HERC1: variants seen among roughly 807,000 people sequenced by gnomAD.
HERC1 encodes the protein probable E3 ubiquitin-protein ligase HERC1.
Under a neutral mutation model 554.3 loss-of-function variants are expected in HERC1, and 160 were observed. That is an observed-to-expected ratio of 0.29 (90% CI 0.25 to 0.33). The LOEUF is 0.33. Among genes scored for constraint, HERC1 ranks in the 10% least tolerant of loss-of-function variants. HERC1 has a pLI of 1.00. For missense variants in HERC1, 4,919 were observed against 5,918.5 expected (o/e 0.83, Z 5.54); for synonymous variants, 2,175 against 2,131.7 (o/e 1.02, Z -0.56).
Position 63,638,415 on chromosome 15 carries a change from T to C in HERC1, c.12089A>G (p.Gln4030Arg). Residue 4030 changes from glutamine to arginine, a missense_variant, in exon 63 of 78, where the codon CAA becomes CGA. Gln to Arg is a conservative substitution (Grantham distance 43). Coordinates refer to ENST00000443617, the MANE Select transcript of HERC1 (RefSeq NM_003922.4). The stretch of plus-strand genomic sequence containing the variant: ...ATTTTTTATCCTGTTAGTTACCTGT[T>C]GGGCCTGTGAGAATGAGGGAGCTGC... ...PAAAPSFSQAQQVICGQNCTF... is the reference protein window; with the variant it reads ...PAAAPSFSQARQVICGQNCTF... 6.2e-7 allele frequency: 1 copy of C among 1,613,666 alleles called. No homozygotes were observed. Among genetic ancestry groups the C allele is most frequent in the Non-Finnish European group, 8.5e-7 (1 of 1,179,704 alleles).
At chr15:63,730,169 A>AC (rs1031757570) in intron 14 of HERC1, among the ~76,000 whole-genome samples, 1 of 150,942 alleles carries the variant, frequency 6.6e-6, no homozygotes, top group African/African-American at 2.4e-5. Flanking sequence ...AAAAAAAAAA[A>AC]AGCAGCTGGG....
intron 70 of HERC1, among the ~76,000 whole-genome samples, chr15:63,627,996 G>A (rs2068376418): frequency 6.6e-6 from 1 of 152,170 alleles, no homozygotes; most frequent in African/African-American, 2.4e-5. Context: ...TGTTTCAAAT[G>A]GTTAACTAAG....
chr15:63,614,810 G>C (rs1595817325), intron 76 of HERC1, among the ~76,000 whole-genome samples: 2 of 152,148 alleles, frequency 1.3e-5, no homozygotes. Flanking sequence ...ACAGAACAAG[G>C]ATAACTCAAA....
chr15:63,668,012 G>A (rs1441451688), intron 40 of HERC1, among the ~76,000 whole-genome samples: 1 of 152,162 alleles, frequency 6.6e-6, no homozygotes, highest in Non-Finnish European at 1.5e-5. Context: ...TGTTCAGGGG[G>A]TTGGTGCTGC....
At position 63,674,314 on chromosome 15, in the gene HERC1, C is replaced by CAAA. The variant is rs111577041; in HGVS notation, c.7846+25_7846+27dup. On this transcript the variant is annotated intron_variant, in intron 38 of 77. Transcript: ENST00000443617. ...GAAAATAATCTCAACAGCACAAAAG[C>CAAA]AAAAAAAAAAAAAATCAGATAACAT... 383 of 1,356,252 alleles carry CAAA rather than the reference C, an allele frequency of 2.8e-4. No homozygotes were observed. In the African/African-American group the frequency reaches 3.2e-3, roughly 11 times the overall value. 84.0% of individuals were successfully genotyped at this position (1,356,252 alleles called of 1,614,324 possible).
intron 38 of HERC1, among the ~76,000 whole-genome samples, chr15:63,673,788 A>C (rs2071057259): frequency 6.6e-6 from 1 of 152,240 alleles, no homozygotes; most frequent in South Asian, 2.1e-4. Context: ...GCAGTGGCAC[A>C]ATCTCGGCTC....
chr15:63,713,594 C>T lies in HERC1; in HGVS notation c.4222G>A (p.Ala1408Thr). The change falls in exon 23 of 78, where the codon GCA (alanine) becomes ACA (threonine). Residue 1408 changes from alanine (A) to threonine (T), a missense_variant. By Grantham distance (58) the Ala-to-Thr change is moderately conservative. Coordinates refer to ENST00000443617, the MANE Select transcript of HERC1 (RefSeq NM_003922.4). ...TCATCAGCTCGAGCCCCAGACCCTG[C>T]CCCACTGTTCATTCTATCTCGGTCT... ...SRDRDRMNSG[A>T]GSGARADDPP... The T allele has an allele frequency of 7.4e-6, 12 of 1,613,762 alleles. No homozygotes were observed. The highest frequency in any genetic ancestry group is 1.1e-5 in the South Asian group (1 of 91,006).
intron 4 of HERC1, among the ~76,000 whole-genome samples, chr15:63,757,838 T>C (rs1453123144): frequency 1.3e-5 from 2 of 151,922 alleles, no homozygotes; most frequent in African/African-American, 2.4e-5. Flanking sequence ...GCCTCCCGAG[T>C]AGCTGGGACT....
At chr15:63,616,827 A>C in intron 74 of HERC1, 145 bp from the exon 75 acceptor site, 4 of 730,944 alleles carry the variant, frequency 5.5e-6, no homozygotes, top group Non-Finnish European at 8.7e-6. Context: ...TAATTAAATA[A>C]AACTAAAAAT....
At position 63,775,188 on chromosome 15, in the gene HERC1, C is replaced by T. The variant is rs770537549; in HGVS notation, c.436G>A (p.Val146Ile). 9 of 1,613,892 alleles carry T rather than the reference C, an allele frequency of 5.6e-6. No individual in the cohort carries two copies. In the East Asian group the frequency reaches 1.8e-4, roughly 32 times the overall value. Residue 146 changes from valine (V) to isoleucine (I), a missense_variant, in exon 2 of 78, where the codon GTT (valine) becomes ATT (isoleucine). This residue lies in a region of HERC1 where 744 missense variants were observed against 1,090.0 expected (regional missense o/e 0.68). Coordinates refer to ENST00000443617, the MANE Select transcript of HERC1 (RefSeq NM_003922.4). This position sits in a 1 kb window ranked among gnomAD's most constrained non-coding sequence, Gnocchi z 4.0. ...GTGCTTGACCGGGGGCGTTCACTAA[C>T]AGAATGGACATCTGCTGAACCAGAA... ...SSSGSADVHS[V>I]SERPRSSTDA...
At position 63,675,136 on chromosome 15, in the gene HERC1, T is replaced by G. The variant is rs1179634728; in HGVS notation, c.7071-19A>C. 1 of 1,558,934 alleles carries G rather than the reference T, an allele frequency of 6.4e-7. No homozygotes were observed. The highest frequency in any genetic ancestry group is 1.9e-5 in the Admixed American group (1 of 51,300). On this transcript the variant is annotated intron_variant, in intron 37 of 77. Transcript: ENST00000443617. ...TGGGAAGCTTTAATAAAGATCAGAATGACACAGGAAGAAGCAAGTGAGGGA... is the reference window on the plus strand; with the variant it reads ...TGGGAAGCTTTAATAAAGATCAGAAGGACACAGGAAGAAGCAAGTGAGGGA...
chr15:63,733,770 T>C (rs1179149294), intron 13 of HERC1, among the ~76,000 whole-genome samples: 1 of 152,300 alleles, frequency 6.6e-6, no homozygotes, highest in East Asian at 1.9e-4. Flanking sequence ...GAGAATCACT[T>C]GAGCCCAAGA....
In HERC1 at chr15:63,758,413, T is replaced by C. The variant is rs1262904123; in HGVS notation, c.1027-44A>G. The C allele has an allele frequency of 1.4e-6, 2 of 1,423,384 alleles. No individual in the cohort carries two copies. The highest frequency in any genetic ancestry group is 2.0e-5 in the Admixed American group (1 of 49,632). The allele number at this position is 1,423,384 out of a possible 1,614,324, so 88.2% of individuals were successfully genotyped here. A position where few individuals can be genotyped will look rare whatever the true frequency, so the allele number is the denominator to read the frequency against. ...ATGCAACAAATAGTCAAGACAGTTTTAGTCTGGGCATTTTTTATACATATC... is the reference window on the plus strand; with the variant it reads ...ATGCAACAAATAGTCAAGACAGTTTCAGTCTGGGCATTTTTTATACATATC... On this transcript the variant is annotated intron_variant, in intron 3 of 77. Coordinates refer to ENST00000443617, the MANE Select transcript of HERC1 (RefSeq NM_003922.4). The surrounding 1 kb of genome is among the most constrained non-coding windows in gnomAD (Gnocchi z 4.0).
intron 33 of HERC1, among the ~76,000 whole-genome samples, chr15:63,687,375 T>A (rs1191415525): frequency 6.6e-6 from 1 of 152,054 alleles, no homozygotes; most frequent in African/African-American, 2.4e-5. Flanking sequence ...CCGTCTCTAC[T>A]AAAAATACAA....
Position 63,680,021 on chromosome 15 carries a change from G to A in HERC1, c.6549+56C>T, listed in dbSNP as rs2071400698. On this transcript the variant is annotated intron_variant, in intron 36 of 77. Coordinates refer to ENST00000443617, the MANE Select transcript of HERC1 (RefSeq NM_003922.4). The surrounding 1 kb of genome is among the most constrained non-coding windows in gnomAD (Gnocchi z 5.8). ...CTTATTATATTTATAAACTCTATCT[G>A]ATGCTAAACAATAAAATAACAAATA... is the stretch of plus-strand genomic sequence containing the variant. 8.2e-7 allele frequency: 1 copy of A among 1,216,132 alleles called. No homozygotes were observed. The highest frequency in any genetic ancestry group is 1.9e-5 in the Admixed American group (1 of 53,860). The allele number at this position is 1,216,132 out of a possible 1,614,324, so 75.3% of individuals were successfully genotyped here.
intron 1 of HERC1, among the ~76,000 whole-genome samples, chr15:63,831,358 CGGCCTCCCCAAGGGCTGAGATTACA>C (rs1373107307): frequency 6.6e-6 from 1 of 152,180 alleles, no homozygotes. Context: ...CCTCCCACCT[CGGCCTCCCCAAGGGCTGAGATTACA>C]GGCGTGAGCT....
intron 2 of HERC1, among the ~76,000 whole-genome samples, chr15:63,766,273 A>T (rs1199005070): frequency 6.6e-6 from 1 of 151,270 alleles, no homozygotes; most frequent in East Asian, 1.9e-4. Flanking sequence ...TATATTAGTA[A>T]TTAATTAAAA....
chr15:63,655,530 TAACTC>T (rs2069982783), intron 50 of HERC1, among the ~76,000 whole-genome samples: 3 of 9,190 alleles, frequency 3.3e-4, no homozygotes, highest in Admixed American at 2.1e-3. Flanking sequence ...TATCTATGGT[TAACTC>T]AAATCATAAT....
chr15:63,674,295 A>C (rs1420397112), intron 38 of HERC1, 47 bp downstream of exon 38: 2 of 1,469,604 alleles, frequency 1.4e-6, no homozygotes, highest in South Asian at 2.9e-5. Context: ...TTATGAAAAT[A>C]ATCTCAACAG....
Sources: gnomAD v4.1 joint callset for allele counts (sites outside exome capture counted in the v4.1 genomes callset) on GRCh38, gnomAD v4.1.1 for gene constraint, gnomAD v4.1.1 regional missense constraint, Gnocchi (gnomAD v3.1) non-coding constraint, MANE v1.5 for transcripts, NCBI Gene and HGNC (gene_info 2026-07-23, HGNC 2026-07-21) for gene names.